Variants in KCNJ6 observed in about 807,000 individuals in gnomAD.
KCNJ6 encodes potassium inwardly rectifying channel subfamily J member 6.
KCNJ6 carries 9 observed loss-of-function variants against 34.2 expected under a neutral mutation model. The observed-to-expected ratio is 0.26, with a 90% CI of 0.16 to 0.46. KCNJ6 has a LOEUF of 0.46. Among genes scored for constraint, KCNJ6 ranks in the 20% least tolerant of loss-of-function variants. The probability of loss-of-function intolerance (pLI) is 1.00; values close to 1 mark genes in which losing one functional copy is unlikely to be tolerated. For synonymous variants in KCNJ6, 196 were observed against 207.1 expected (o/e 0.95, Z 0.46); for missense variants, 236 against 531.3 (o/e 0.44, Z 5.46).
At chr21:37,847,013 T>C (rs1020992470) in intron 1 of KCNJ6, among the ~76,000 whole-genome samples, 3 of 152,222 alleles carry the variant, frequency 2.0e-5, no homozygotes, top group Non-Finnish European at 1.5e-5. Flanking sequence ...TTATGTTGCC[T>C]TGAGTTGCTG....
chr21:37,767,271 A>AG (rs1425681163), intron 2 of KCNJ6, among the ~76,000 whole-genome samples: 3 of 152,234 alleles, frequency 2.0e-5, no homozygotes, highest in African/African-American at 7.2e-5. Context: ...TCCTCACCTC[A>AG]GGGAAATCTT....
In KCNJ6 at chr21:37,611,903, GC is replaced by G. The variant is rs1355529051; in HGVS notation, c.*13255del. 6.6e-6 allele frequency: 1 copy of G among 151,984 alleles called. No individual in the cohort carries two copies. The highest frequency in any genetic ancestry group is 1.5e-5 in the Non-Finnish European group (1 of 67,996). 9.4% of individuals were successfully genotyped at this position (151,984 alleles called of 1,614,324 possible). ...ATGGCGTGATGGTGAGAAACCTGAA[GC>G]TGTCTCACTAAGATCAGGAAAAAAA... is the stretch of plus-strand genomic sequence containing the variant. On this transcript the variant is annotated 3_prime_UTR_variant, in exon 4 of 4. Transcript: ENST00000609713.
At chr21:37,904,228 A>T (rs2055830710) in intron 1 of KCNJ6, among the ~76,000 whole-genome samples, 1 of 152,186 alleles carries the variant, frequency 6.6e-6, no homozygotes, top group Admixed American at 6.5e-5. Flanking sequence ...GGTGAAATAT[A>T]CCTTCTGATG....
intron 3 of KCNJ6, among the ~76,000 whole-genome samples, chr21:37,670,456 A>G (rs2054536214): frequency 6.6e-6 from 1 of 152,164 alleles, no homozygotes; most frequent in South Asian, 2.1e-4. Flanking sequence ...TTTGGGTAGT[A>G]CTGCCATCTT....
At chr21:37,719,934 A>C (rs531203016) in intron 2 of KCNJ6, among the ~76,000 whole-genome samples, 1 of 152,312 alleles carries the variant, frequency 6.6e-6, no homozygotes. Context: ...TGAATTTTGC[A>C]GGTGAAACTT....
At chr21:37,826,619 A>G (rs1316999656) in intron 2 of KCNJ6, among the ~76,000 whole-genome samples, 1 of 152,200 alleles carries the variant, frequency 6.6e-6, no homozygotes, top group Non-Finnish European at 1.5e-5. Flanking sequence ...ATTAAAAAAA[A>G]AAACAGATTT....
At chr21:37,754,576 C>T (rs1333676147) in intron 2 of KCNJ6, among the ~76,000 whole-genome samples, 5 of 152,116 alleles carry the variant, frequency 3.3e-5, no homozygotes, top group African/African-American at 7.2e-5. Context: ...CTAGCTGATC[C>T]GGGACAATGG....
At chr21:37,763,201 G>A (rs924300597) in intron 2 of KCNJ6, among the ~76,000 whole-genome samples, 1 of 152,198 alleles carries the variant, frequency 6.6e-6, no homozygotes, top group Admixed American at 6.5e-5. Context: ...AGACCCTGCA[G>A]CAGCTCCCAC....
chr21:37,684,466 A>T (rs1476983130), intron 3 of KCNJ6, among the ~76,000 whole-genome samples: 1 of 152,162 alleles, frequency 6.6e-6, no homozygotes, highest in African/African-American at 2.4e-5. Flanking sequence ...ATAAGATCAT[A>T]TTCTTAGGTA....
At chr21:37,647,463 A>G (rs1250297121) in intron 3 of KCNJ6, among the ~76,000 whole-genome samples, 1 of 152,106 alleles carries the variant, frequency 6.6e-6, no homozygotes, top group Non-Finnish European at 1.5e-5. Flanking sequence ...GTGCTGACCC[A>G]ATTGCCAGAG....
intron 2 of KCNJ6, among the ~76,000 whole-genome samples, chr21:37,807,583 T>C (rs769867033): frequency 6.6e-5 from 10 of 152,242 alleles, no homozygotes; most frequent in African/African-American, 2.4e-4. Flanking sequence ...ACAAATACCA[T>C]TGTGTTCCAA....
At chr21:37,791,906 T>C (rs1383329090) in intron 2 of KCNJ6, among the ~76,000 whole-genome samples, 1 of 152,222 alleles carries the variant, frequency 6.6e-6, no homozygotes, top group Non-Finnish European at 1.5e-5. Flanking sequence ...TCACCATAAA[T>C]ATTTGTCTTT....
intron 2 of KCNJ6, among the ~76,000 whole-genome samples, chr21:37,761,598 GTTGT>G (rs2055064355): frequency 1.4e-5 from 2 of 147,442 alleles, no homozygotes; most frequent in Admixed American, 1.4e-4. Context: ...ATTTGTGTGT[GTTGT>G]GTGTATGTAG....
chr21:37,672,579 T>C (rs928367233), intron 3 of KCNJ6, among the ~76,000 whole-genome samples: 1 of 152,074 alleles, frequency 6.6e-6, no homozygotes, highest in Admixed American at 6.6e-5. Flanking sequence ...TCTTTTTACT[T>C]GAAAATGTTA....
intron 2 of KCNJ6, among the ~76,000 whole-genome samples, chr21:37,800,148 T>C (rs956576318): frequency 6.6e-6 from 1 of 152,134 alleles, no homozygotes; most frequent in African/African-American, 2.4e-5. Context: ...AAAGGAAGAC[T>C]TGGCTGGAAC....
chr21:37,761,842 CTG>C (rs2055066956), intron 2 of KCNJ6, among the ~76,000 whole-genome samples: 1 of 152,030 alleles, frequency 6.6e-6, no homozygotes, highest in African/African-American at 2.4e-5. Flanking sequence ...CTGTGCGTGT[CTG>C]TGTGCGGTGC....
At chr21:37,839,136 T>C (rs2055466417) in intron 2 of KCNJ6, among the ~76,000 whole-genome samples, 1 of 152,230 alleles carries the variant, frequency 6.6e-6, no homozygotes, top group South Asian at 2.1e-4. Flanking sequence ...GGTAATTCTT[T>C]ATAGCAGTGC....
chr21:37,688,050 A>C (rs1030131928), intron 3 of KCNJ6, among the ~76,000 whole-genome samples: 1 of 152,200 alleles, frequency 6.6e-6, no homozygotes, highest in Non-Finnish European at 1.5e-5. Flanking sequence ...TTAGGCATAA[A>C]ACACATGAAT....
At chr21:37,726,547 G>A (rs2835914) in intron 2 of KCNJ6, among the ~76,000 whole-genome samples, 2 of 151,958 alleles carry the variant, frequency 1.3e-5, no homozygotes, top group Non-Finnish European at 2.9e-5. Flanking sequence ...AGAAACATAT[G>A]GTCTACTTTG....
Sources: allele counts gnomAD v4.1 joint callset (sites outside exome capture counted in the v4.1 genomes callset), GRCh38; gene constraint gnomAD v4.1.1; transcripts MANE v1.5; gene names NCBI Gene and HGNC (gene_info 2026-07-23, HGNC 2026-07-21).